The following BPHL variants were observed in gnomAD, a reference collection of about 807,000 sequenced individuals.
BPHL encodes the protein biphenyl hydrolase like.
Under a neutral mutation model 31.2 loss-of-function variants are expected in BPHL, and 27 were observed. The ratio of observed to expected loss-of-function variants is 0.87; its 90% CI spans 0.64 to 1.19. BPHL has a LOEUF of 1.19. Ranked by LOEUF, BPHL falls within the 50% of genes most tolerant of loss-of-function variation. The probability of loss-of-function intolerance (pLI) is 0.00; values close to 1 mark genes in which losing one functional copy is unlikely to be tolerated. For missense variants in BPHL, 356 were observed against 375.7 expected (o/e 0.95, Z 0.43); for synonymous variants, 150 against 146.8 (o/e 1.02, Z -0.16).
rs373538259 is a variant in BPHL, at chr6:3,137,190, G to A, written c.533-172G>A. On this transcript the variant is annotated intron_variant, in intron 4 of 6. Coordinates refer to ENST00000380379, the MANE Select transcript of BPHL (RefSeq NM_004332.4). ...CAGGCACTCAGCCCTGGGTCCAGAA[G>A]GCACCGCAAAGCAGCAACCAGGGCT... Among the ~76,000 whole-genome samples the A allele has an allele frequency of 1.3e-3, 201 of 152,098 alleles. 2 individuals carry two copies. Among genetic ancestry groups the A allele is most frequent in the African/African-American group, 4.5e-3 (188 of 41,496 alleles).
chr6:3,120,711 A>C (rs905305463), intron 1 of BPHL, among the ~76,000 whole-genome samples: 2 of 152,244 alleles, frequency 1.3e-5, no homozygotes, highest in Non-Finnish European at 2.9e-5. Flanking sequence ...GGTCAGGTCA[A>C]GAAAAGCCTT....
Position 3,123,756 on chromosome 6 carries a change from GTTAGGTCTGGGTACTTT to G in BPHL, c.211_211+16del. 3 of 1,611,280 alleles carry G rather than the reference GTTAGGTCTGGGTACTTT, an allele frequency of 1.9e-6. No individual in the cohort carries two copies. Among genetic ancestry groups the G allele is most frequent in the African/African-American group, 1.3e-5 (1 of 74,972 alleles). ...ACGCAGTCCTGCTACTTCCTGGGAT[GTTAGGTCTGGGTACTTT>G]TTAATGGAATGTTTTTGCATGCTGT... On this transcript the variant is annotated splice_donor_variant and splice_donor_5th_base_variant and coding_sequence_variant and intron_variant, in exon 2 of 7. Coordinates refer to ENST00000380379, the MANE Select transcript of BPHL (RefSeq NM_004332.4). LOFTEE classifies it high-confidence loss of function.
Position 3,152,642 on chromosome 6 carries a change from G to C in BPHL, c.*67G>C. ...TGATCGTGTTGCTGCCTGTTAACATGATGCCTTTGAAACTCTCCGCCTTTG... is the reference window on the plus strand; with the variant it reads ...TGATCGTGTTGCTGCCTGTTAACATCATGCCTTTGAAACTCTCCGCCTTTG... On this transcript the variant is annotated 3_prime_UTR_variant, in exon 7 of 7. Transcript: ENST00000380379. 7.0e-7 allele frequency: 1 copy of C among 1,420,374 alleles called. No individual in the cohort carries two copies. The highest frequency in any genetic ancestry group is 1.2e-5 in the South Asian group (1 of 82,848). 88.0% of individuals were successfully genotyped at this position (1,420,374 alleles called of 1,614,324 possible).
chr6:3,147,925 A>G (rs1762425993), intron 6 of BPHL, among the ~76,000 whole-genome samples: 1 of 152,260 alleles, frequency 6.6e-6, no homozygotes, highest in Non-Finnish European at 1.5e-5. Flanking sequence ...CTGAAGGCCA[A>G]GGAATTCCCT....
chr6:3,135,855 C>T (rs189792080), intron 4 of BPHL, among the ~76,000 whole-genome samples: 2 of 152,108 alleles, frequency 1.3e-5, no homozygotes, highest in South Asian at 4.1e-4. Context: ...GCTTTCCTTC[C>T]GGGAAGATTT....
chr6:3,134,672 G>A (rs544023883), intron 4 of BPHL, among the ~76,000 whole-genome samples: 106 of 148,152 alleles, frequency 7.2e-4, no homozygotes, highest in Non-Finnish European at 1.0e-3. Flanking sequence ...GCGTGATCTC[G>A]GCTCACTGCA....
chr6:3,123,486 C>G (rs938789126), intron 1 of BPHL, among the ~76,000 whole-genome samples, 171 bp from the exon 2 acceptor site: 11 of 152,210 alleles, frequency 7.2e-5, no homozygotes, highest in Non-Finnish European at 1.5e-4. Context: ...TGGGAACATT[C>G]AGTATCTTCC....
chr6:3,134,603 ATTTTTTTTTTT>A (rs556567574), intron 4 of BPHL, among the ~76,000 whole-genome samples: 1 of 127,626 alleles, frequency 7.8e-6, no homozygotes, highest in Admixed American at 7.9e-5. Context: ...CACCTGGCTA[ATTTTTTTTTTT>A]TTTTTTTTTG....
At chr6:3,132,525 GT>G (rs927551630) in intron 4 of BPHL, among the ~76,000 whole-genome samples, 1 of 151,230 alleles carries the variant, frequency 6.6e-6, no homozygotes. Flanking sequence ...TTCGACTGTT[GT>G]TTTTTTTTAA....
rs1762574106 is a variant in BPHL, at chr6:3,153,317, A to C, written c.*742A>C. The C allele has an allele frequency of 6.0e-6, 1 of 166,992 alleles. No homozygotes were observed. 10.3% of individuals were successfully genotyped at this position (166,992 alleles called of 1,614,324 possible). On this transcript the variant is annotated 3_prime_UTR_variant, in exon 7 of 7. Coordinates refer to ENST00000380379, the MANE Select transcript of BPHL (RefSeq NM_004332.4). ...TGTTTATCTATCATATTCAAAGAGA[A>C]GTAGGGAGAGTCCGTGCCCGAGGTC...
Position 3,129,067 on chromosome 6 carries a change from C to G in BPHL, c.401C>G (p.Ser134Cys). 1.2e-6 allele frequency: 2 copies of G among 1,614,254 alleles called. No individual in the cohort carries two copies. Among genetic ancestry groups the G allele is most frequent in the Non-Finnish European group, 1.7e-6 (2 of 1,180,048 alleles). ...LMKALKFKKV[S>C]LLGWSDGGIT... ...TAGGCGCTGAAGTTTAAGAAGGTTT[C>G]TCTGCTGGGGTGGAGTGATGGGGGC... Residue 134 changes from serine to cysteine, a missense_variant, in exon 4 of 7, where the codon TCT (serine) becomes TGT (cysteine). Transcript: ENST00000380379.
intron 4 of BPHL, among the ~76,000 whole-genome samples, chr6:3,134,649 AGGCTGCGCAGT>A (rs1470625296): frequency 8.9e-5 from 12 of 134,150 alleles, no homozygotes; most frequent in African/African-American, 3.5e-4. Context: ...TCTGTCACCC[AGGCTGCGCAGT>A]GGCGTGATCT....
At chr6:3,127,696 T>C (rs2113751474) in intron 3 of BPHL, among the ~76,000 whole-genome samples, 1 of 152,370 alleles carries the variant, frequency 6.6e-6, no homozygotes, top group Non-Finnish European at 1.5e-5. Flanking sequence ...TTTTCTAACT[T>C]ACTATTTTTG....
chr6:3,148,434 T>C (rs895560292), intron 6 of BPHL, among the ~76,000 whole-genome samples: 3 of 152,244 alleles, frequency 2.0e-5, no homozygotes, highest in Non-Finnish European at 4.4e-5. Context: ...TGGAAAAGAT[T>C]CACACCAGTG....
chr6:3,122,352 A>G (rs981072732), intron 1 of BPHL, among the ~76,000 whole-genome samples: 1 of 152,326 alleles, frequency 6.6e-6, no homozygotes, highest in South Asian at 2.1e-4. Context: ...CTCCACCAGG[A>G]GAAGAGAGCG....
intron 4 of BPHL, among the ~76,000 whole-genome samples, chr6:3,132,866 CAGAA>C (rs1025629962): frequency 1.9e-4 from 29 of 152,044 alleles, no homozygotes; most frequent in African/African-American, 3.1e-4. Context: ...AAGAAAAAAA[CAGAA>C]AGAAAAGAAA....
At chr6:3,133,826 A>G (rs1168971187) in intron 4 of BPHL, among the ~76,000 whole-genome samples, 2 of 152,226 alleles carry the variant, frequency 1.3e-5, no homozygotes, top group African/African-American at 4.8e-5. Context: ...GAGCAACAGT[A>G]TCTCTCTAGG....
Position 3,142,506 on chromosome 6 carries a change from T to C in BPHL, c.788+1997T>C, listed in dbSNP as rs189426356. On this transcript the variant is annotated intron_variant, in intron 6 of 6. Coordinates refer to ENST00000380379, the MANE Select transcript of BPHL (RefSeq NM_004332.4). ...AGTGATATCTCCATATAGCACTTAA[T>C]ATTTTAAAAGGTATTTTATATATAG... Among the ~76,000 whole-genome samples the C allele has an allele frequency of 1.2e-3, 189 of 152,350 alleles. 1 individual carries two copies. Among genetic ancestry groups the C allele is most frequent in the African/African-American group, 4.4e-3 (184 of 41,576 alleles).
intron 1 of BPHL, 63 bp downstream of exon 1, chr6:3,118,910 G>A: frequency 2.5e-6 from 3 of 1,194,976 alleles, no homozygotes; most frequent in Non-Finnish European, 3.1e-6. Context: ...GCGGCGGGAG[G>A]GGCGCGTGCC....
Sources: gnomAD v4.1 joint callset for allele counts (sites outside exome capture counted in the v4.1 genomes callset) on GRCh38, gnomAD v4.1.1 for gene constraint, MANE v1.5 for transcripts, NCBI Gene and HGNC (gene_info 2026-07-23, HGNC 2026-07-21) for gene names.